Variants in TRHR observed in about 807,000 individuals in gnomAD.
The protein encoded by TRHR is thyrotropin-releasing hormone receptor.
Under a neutral mutation model 28.0 loss-of-function variants are expected in TRHR, and 14 were observed. That is an observed-to-expected ratio of 0.50 (90% confidence interval 0.33 to 0.78). The LOEUF is 0.78. TRHR is among the 30% of genes least tolerant of loss of function. TRHR has a pLI of 0.02. For missense variants in TRHR, 438 were observed against 469.5 expected, an observed-to-expected ratio of 0.93 and a Z score of 0.62; for synonymous variants, 176 against 171.9, an observed-to-expected ratio of 1.02 and a Z score of -0.18.
chr8:109,096,448 C>G (rs1811593351), intron 2 of TRHR, among the ~76,000 whole-genome samples: 1 of 152,212 alleles, frequency 6.6e-6, no homozygotes, highest in African/African-American at 2.4e-5. Context: ...GGTAGCATGT[C>G]TTCCCACTCT....
chr8:109,107,694 G>C (rs1421223529), intron 2 of TRHR, among the ~76,000 whole-genome samples: 2 of 152,164 alleles, frequency 1.3e-5, no homozygotes, highest in African/African-American at 4.8e-5. Context: ...AACACAGAGT[G>C]ATAAAGCTGG....
chr8:109,118,926 C>A lies in TRHR; in HGVS notation c.790-122C>A, dbSNP rs918706847. On this transcript the variant is annotated intron_variant, in intron 2 of 2. Coordinates refer to ENST00000518632, the MANE Select transcript of TRHR (RefSeq NM_003301.7). Reference sequence around the variant, plus strand: ...TGGGATCACCTCCCCAATAAATGACCTGCACCTAACTCCTTGTCTCAGACT... The same window carrying A: ...TGGGATCACCTCCCCAATAAATGACATGCACCTAACTCCTTGTCTCAGACT... The A allele has an allele frequency of 2.1e-5, 26 of 1,216,838 alleles. No individual in the cohort carries two copies. In the African/African-American group the frequency reaches 2.3e-4, roughly 11 times the overall value. 75.4% of individuals were successfully genotyped at this position (1,216,838 alleles called of 1,614,324 possible). A position where few individuals can be genotyped will look rare whatever the true frequency, so the allele number is the denominator to read the frequency against.
chr8:109,111,636 A>G (rs73311350), intron 2 of TRHR, among the ~76,000 whole-genome samples: 14,238 of 152,268 alleles, frequency 0.094, 1,104 homozygotes, highest in African/African-American at 0.22. Context: ...AAATCGATGC[A>G]TAACTCCATA....
rs535374230 is a variant in TRHR, at chr8:109,119,446, C to T, written c.1188C>T (p.Ser396=). 4.3e-4 allele frequency: 696 copies of T among 1,611,732 alleles called. 9 individuals are homozygous for T. In the South Asian group the frequency reaches 7.2e-3, roughly 17 times the overall value. The change falls in exon 3 of 3, where the codon AGC becomes AGT. Residue 396 remains serine, a synonymous_variant. Coordinates refer to ENST00000518632, the MANE Select transcript of TRHR (RefSeq NM_003301.7). ...DTCLASEVSF[S]QS ...GCTTGGCTTCTGAGGTATCCTTTAG[C>T]CAAAGTTGATTCATGAATTAGAAGA... is the stretch of plus-strand genomic sequence containing the variant.
At chr8:109,117,425 A>G (rs1337817031) in intron 2 of TRHR, among the ~76,000 whole-genome samples, 5 of 151,920 alleles carry the variant, frequency 3.3e-5, no homozygotes, top group Admixed American at 1.3e-4. Flanking sequence ...TAATGTTTAT[A>G]TGGCATTTTT....
At chr8:109,110,150 C>G (rs1216094535) in intron 2 of TRHR, among the ~76,000 whole-genome samples, 2 of 152,148 alleles carry the variant, frequency 1.3e-5, no homozygotes, top group Non-Finnish European at 2.9e-5. Context: ...CTATCTTTCT[C>G]AGCACACTCT....
intron 2 of TRHR, among the ~76,000 whole-genome samples, chr8:109,099,495 A>G (rs73311324): frequency 0.089 from 13,573 of 152,280 alleles, 962 homozygotes; most frequent in African/African-American, 0.2. Flanking sequence ...AAAAGAATAA[A>G]TTAAAAGAGT....
intron 2 of TRHR, 27 bp downstream of exon 2, chr8:109,088,328 A>G (rs372949553): frequency 2.3e-5 from 37 of 1,609,920 alleles, no homozygotes; most frequent in Non-Finnish European, 3.1e-5. Context: ...CTCCAAGTCA[A>G]TAGAGGAAAT....
chr8:109,114,477 G>A (rs1811888015), intron 2 of TRHR, among the ~76,000 whole-genome samples: 2 of 152,122 alleles, frequency 1.3e-5, no homozygotes, highest in South Asian at 2.1e-4. Context: ...AAGACAGAAG[G>A]AATGGAAGGC....
chr8:109,115,089 C>T (rs1361775440), intron 2 of TRHR, among the ~76,000 whole-genome samples: 1 of 152,050 alleles, frequency 6.6e-6, no homozygotes, highest in Non-Finnish European at 1.5e-5. Flanking sequence ...TTCATATCAC[C>T]ATACACCCTA....
At chr8:109,116,348 T>G (rs1007495679) in intron 2 of TRHR, among the ~76,000 whole-genome samples, 4 of 152,154 alleles carry the variant, frequency 2.6e-5, no homozygotes, top group Non-Finnish European at 5.9e-5. Context: ...CCTCTTTTTC[T>G]ATTGATTGGA....
Position 109,116,075 on chromosome 8 carries a change from G to A in TRHR, c.790-2973G>A, listed in dbSNP as rs186005751. 7.8e-3 allele frequency among the ~76,000 whole-genome samples: 1,189 copies of A among 152,108 alleles called. 13 individuals are homozygous for A. Among genetic ancestry groups the A allele is most frequent in the African/African-American group, 0.027 (1,121 of 41,512 alleles). ...TTGAGATAATCATGTGGTTTTTGTC[G>A]TTGGTTCTGTTTATAAGCTGGATTA... is the stretch of plus-strand genomic sequence containing the variant. On this transcript the variant is annotated intron_variant, in intron 2 of 2. Transcript: ENST00000518632.
intron 2 of TRHR, among the ~76,000 whole-genome samples, chr8:109,094,711 T>C (rs1247857632): frequency 6.6e-6 from 1 of 151,500 alleles, no homozygotes; most frequent in African/African-American, 2.4e-5. Flanking sequence ...ATTTGCATGT[T>C]GCAAATATAA....
intron 2 of TRHR, 33 bp downstream of exon 2, chr8:109,088,334 G>A (rs1043346133): frequency 6.2e-7 from 1 of 1,607,616 alleles, no homozygotes; most frequent in African/African-American, 1.3e-5. Flanking sequence ...GTCAATAGAG[G>A]AAATGTGGGA....
intron 2 of TRHR, among the ~76,000 whole-genome samples, chr8:109,091,778 G>A (rs1811520098): frequency 6.6e-6 from 1 of 152,162 alleles, no homozygotes; most frequent in Non-Finnish European, 1.5e-5. Flanking sequence ...AATTCCGTAA[G>A]ATAAATTACC....
At chr8:109,113,122 C>T (rs1340542143) in intron 2 of TRHR, among the ~76,000 whole-genome samples, 1 of 152,050 alleles carries the variant, frequency 6.6e-6, no homozygotes, top group African/African-American at 2.4e-5. Flanking sequence ...TCTGGATATG[C>T]TTAAGATGAG....
intron 2 of TRHR, among the ~76,000 whole-genome samples, chr8:109,093,400 C>CTTTTTTTTTTT (rs34645119): frequency 2.6e-5 from 2 of 77,392 alleles, no homozygotes; most frequent in Non-Finnish European, 4.5e-5. Flanking sequence ...GTGCTATTTA[C>CTTTTTTTTTTT]TTTTTTTTTT....
chr8:109,118,199 C>T (rs1036972528), intron 2 of TRHR, among the ~76,000 whole-genome samples: 4 of 151,872 alleles, frequency 2.6e-5, no homozygotes, highest in Non-Finnish European at 4.4e-5. Flanking sequence ...AGCCTCTGTA[C>T]CTGTTTTCTA....
At chr8:109,095,518 A>G (rs892186311) in intron 2 of TRHR, among the ~76,000 whole-genome samples, 34 of 152,260 alleles carry the variant, frequency 2.2e-4, no homozygotes, top group African/African-American at 8.2e-4. Context: ...AGTCTGAGCC[A>G]GATTGTGGTC....
Sources: allele counts gnomAD v4.1 joint callset (sites outside exome capture counted in the v4.1 genomes callset), GRCh38; gene constraint gnomAD v4.1.1; transcripts MANE v1.5; gene names NCBI Gene and HGNC (gene_info 2026-07-23, HGNC 2026-07-21).